TMEM154: variants seen among roughly 807,000 people sequenced by gnomAD.
The protein encoded by TMEM154 is transmembrane protein 154.
TMEM154 carries 27 observed loss-of-function variants against 24.5 expected under a neutral mutation model. The ratio of observed to expected loss-of-function variants is 1.10; its 90% CI spans 0.81 to 1.52. TMEM154 has a LOEUF of 1.52. TMEM154 is among the 40% of genes most tolerant of loss of function. TMEM154 has a pLI of 0.00. For synonymous variants in TMEM154, 67 were observed against 76.8 expected, an observed-to-expected ratio of 0.87 and a Z score of 0.67; for missense variants, 228 against 213.4, an observed-to-expected ratio of 1.07 and a Z score of -0.43.
chr4:152,671,193 C>T (rs1410014962), intron 1 of TMEM154, among the ~76,000 whole-genome samples: 3 of 151,336 alleles, frequency 2.0e-5, no homozygotes, highest in Non-Finnish European at 4.4e-5. Flanking sequence ...GCTTGGCACA[C>T]TCAAGTGGCT....
At chr4:152,652,363 CTT>C (rs199858528) in intron 3 of TMEM154, among the ~76,000 whole-genome samples, 173 bp downstream of exon 3, 4 of 141,944 alleles carry the variant, frequency 2.8e-5, no homozygotes, top group East Asian at 2.0e-4. Context: ...TTCAATTAAA[CTT>C]TTTTTTTTTT....
intron 4 of TMEM154, 92 bp from the exon 5 acceptor site, chr4:152,643,265 G>T: frequency 1.0e-6 from 1 of 971,812 alleles, no homozygotes; most frequent in Non-Finnish European, 1.6e-6. Context: ...TCCTGAGGAA[G>T]ATGAACTTGA....
chr4:152,631,658 T>G (rs188604046), intron 6 of TMEM154, among the ~76,000 whole-genome samples: 114 of 152,172 alleles, frequency 7.5e-4, no homozygotes, highest in African/African-American at 2.6e-3. Context: ...CTCGAACTCC[T>G]GGGCTCAAGC....
intron 1 of TMEM154, among the ~76,000 whole-genome samples, chr4:152,655,999 C>G (rs1388341106): frequency 6.6e-6 from 1 of 152,136 alleles, no homozygotes; most frequent in Non-Finnish European, 1.5e-5. Context: ...GATTGCCCAG[C>G]CCAGTCTAGT....
intron 4 of TMEM154, 25 bp from the exon 5 acceptor site, chr4:152,643,198 G>C: frequency 6.6e-7 from 1 of 1,523,828 alleles, no homozygotes; most frequent in African/African-American, 1.4e-5. Context: ...CAAAAGACTT[G>C]TTAGAAAGAA....
intron 1 of TMEM154, among the ~76,000 whole-genome samples, chr4:152,672,378 C>CA (rs1463856673): frequency 3.3e-5 from 5 of 152,166 alleles, no homozygotes; most frequent in Non-Finnish European, 7.3e-5. Flanking sequence ...AAGAAGCAAT[C>CA]AGAGTCACAG....
Position 152,623,860 on chromosome 4 carries a change from CA to C in TMEM154, c.*4685del, listed in dbSNP as rs773275810. 2.8e-5 allele frequency: 4 copies of C among 142,944 alleles called. No individual in the cohort carries two copies. The highest frequency in any genetic ancestry group is 6.0e-5 in the Non-Finnish European group (4 of 66,146). The allele number at this position is 142,944 out of a possible 1,614,324, so 8.9% of individuals were successfully genotyped here. The stretch of plus-strand genomic sequence containing the variant: ...TCATGCCACTGCACTCCAGCCAGGG[CA>C]ACAGAGCAAAACACTATCTTAAAAA... On this transcript the variant is annotated 3_prime_UTR_variant, in exon 7 of 7. Coordinates refer to ENST00000304385, the MANE Select transcript of TMEM154 (RefSeq NM_152680.3).
chr4:152,648,267 G>A (rs1207148525), intron 3 of TMEM154, among the ~76,000 whole-genome samples: 1 of 152,208 alleles, frequency 6.6e-6, no homozygotes, highest in Admixed American at 6.5e-5. Context: ...AGGATCACTT[G>A]AGCCTAGGAG....
chr4:152,662,901 G>A (rs572959585), intron 1 of TMEM154, among the ~76,000 whole-genome samples: 8 of 152,244 alleles, frequency 5.3e-5, no homozygotes, highest in African/African-American at 1.9e-4. Context: ...TGCGCTCCAG[G>A]ACTCCAAGGA....
At chr4:152,637,203 A>G (rs1183648645) in intron 6 of TMEM154, among the ~76,000 whole-genome samples, 1 of 152,214 alleles carries the variant, frequency 6.6e-6, no homozygotes, top group African/African-American at 2.4e-5. Context: ...AGGGGGAAGA[A>G]CAATTGCCAC....
intron 1 of TMEM154, among the ~76,000 whole-genome samples, chr4:152,654,726 G>A (rs1728457458): frequency 6.6e-6 from 1 of 152,204 alleles, no homozygotes; most frequent in Non-Finnish European, 1.5e-5. Context: ...CAGGGAGAGA[G>A]TTCTCACCAA....
intron 1 of TMEM154, among the ~76,000 whole-genome samples, chr4:152,676,032 G>A (rs28468641): frequency 0.11 from 16,501 of 152,038 alleles, 1,188 homozygotes; most frequent in African/African-American, 0.2. Context: ...CCTGACATAA[G>A]GCTGTTCTTC....
rs562875075 is a variant in TMEM154 at position 152,627,088 on chromosome 4, C to T, written c.*1458G>A. ...GTTAAACACAACCAGCTAGTTATAG[C>T]TTTCATTGTATGGAAAGACCTCTCT... is the stretch of plus-strand genomic sequence containing the variant. On this transcript the variant is annotated 3_prime_UTR_variant, in exon 7 of 7. Transcript: ENST00000304385. 6.6e-6 allele frequency: 1 copy of T among 152,320 alleles called. No homozygotes were observed. Among genetic ancestry groups the T allele is most frequent in the African/African-American group, 2.4e-5 (1 of 41,574 alleles). The allele number at this position is 152,320 out of a possible 1,614,324, so 9.4% of individuals were successfully genotyped here. A position where few individuals can be genotyped will look rare whatever the true frequency, so the allele number is the denominator to read the frequency against.
At chr4:152,658,256 C>T (rs369832150) in intron 1 of TMEM154, among the ~76,000 whole-genome samples, 108 of 152,186 alleles carry the variant, frequency 7.1e-4, no homozygotes, top group African/African-American at 2.6e-3. Flanking sequence ...AATGGAAACA[C>T]ACCATGCTAA....
chr4:152,654,043 AAAAAAAGAAAAAG>A (rs1365405457), intron 1 of TMEM154, among the ~76,000 whole-genome samples: 1 of 151,830 alleles, frequency 6.6e-6, no homozygotes, highest in African/African-American at 2.4e-5. Context: ...CCATCTCAAA[AAAAAAAGAAAAAG>A]AAAAAAGAAA....
chr4:152,630,808 T>C (rs1462043277), intron 6 of TMEM154, among the ~76,000 whole-genome samples: 2 of 152,212 alleles, frequency 1.3e-5, no homozygotes, highest in Non-Finnish European at 2.9e-5. Flanking sequence ...CTCCCAAAGA[T>C]TTTTCTGTGA....
chr4:152,661,310 C>G (rs939512388), intron 1 of TMEM154, among the ~76,000 whole-genome samples: 2 of 140,746 alleles, frequency 1.4e-5, no homozygotes, highest in Non-Finnish European at 3.0e-5. Flanking sequence ...CTCTCTCTCT[C>G]TCTCTCTCTC....
chr4:152,677,258 A>G (rs923193150), intron 1 of TMEM154, among the ~76,000 whole-genome samples: 1 of 152,230 alleles, frequency 6.6e-6, no homozygotes, highest in African/African-American at 2.4e-5. Context: ...TATCTCTAAA[A>G]AGAGAAGAGG....
intron 3 of TMEM154, among the ~76,000 whole-genome samples, chr4:152,651,396 G>A (rs1728380399): frequency 1.3e-5 from 2 of 152,136 alleles, no homozygotes; most frequent in South Asian, 2.1e-4. Context: ...CTTCATCAAC[G>A]ATTTGAACTA....
Sources: allele counts gnomAD v4.1 joint callset (sites outside exome capture counted in the v4.1 genomes callset), GRCh38; gene constraint gnomAD v4.1.1; transcripts MANE v1.5; gene names NCBI Gene and HGNC (gene_info 2026-07-23, HGNC 2026-07-21).